Variants in KLF12 observed in about 807,000 individuals in gnomAD.
The protein encoded by KLF12 is KLF transcription factor 12, also known as Krueppel-like factor 12.
In KLF12, 9 loss-of-function variants were observed where a neutral mutation model predicts 37.8. The observed-to-expected ratio is 0.24, with a 90% CI of 0.14 to 0.42. The LOEUF (loss-of-function observed/expected upper bound fraction) is 0.42. Ranked by LOEUF, KLF12 falls within the 10% of genes least tolerant of loss-of-function variation. KLF12 has a pLI of 1.00. For synonymous variants in KLF12, 208 were observed against 202.1 expected (o/e 1.03, Z -0.25); for missense variants, 411 against 516.0 (o/e 0.80, Z 1.97).
rs182140387 is a variant in KLF12 at position 73,923,868 on chromosome 13, G to A, written c.123+20113C>T. The stretch of plus-strand genomic sequence containing the variant: ...GTTGTATTCCATACACCAGGCTTCC[G>A]AGTTGTGAGGCAGACATATCTCAGA... On this transcript the variant is annotated intron_variant, in intron 3 of 7. Coordinates refer to ENST00000377669, the MANE Select transcript of KLF12 (RefSeq NM_007249.5). 1.8e-3 allele frequency among the ~76,000 whole-genome samples: 277 copies of A among 152,336 alleles called. 1 individual carries two copies. The highest frequency in any genetic ancestry group is 3.2e-3 in the Non-Finnish European group (217 of 68,014).
chr13:74,153,085 T>C, the KLF12 span, among the ~76,000 whole-genome samples: 1 of 152,110 alleles, frequency 6.6e-6, no homozygotes, highest in Non-Finnish European at 1.5e-5. Context: ...ATGTTGGGTT[T>C]AATTTTCACA....
At chr13:74,246,353 C>T in the KLF12 span, among the ~76,000 whole-genome samples, 1 of 152,114 alleles carries the variant, frequency 6.6e-6, no homozygotes, top group Non-Finnish European at 1.5e-5. Context: ...CATTTTCTAC[C>T]CTACTTTTCT....
chr13:73,858,769 G>A (rs985910863), intron 3 of KLF12, among the ~76,000 whole-genome samples: 2 of 152,100 alleles, frequency 1.3e-5, no homozygotes, highest in Non-Finnish European at 2.9e-5. Flanking sequence ...AACATGAAAA[G>A]GAAAAGTAAT....
chr13:74,082,087 G>T (rs1408306702), intron 1 of KLF12, among the ~76,000 whole-genome samples: 3 of 151,126 alleles, frequency 2.0e-5, no homozygotes, highest in African/African-American at 4.9e-5. Flanking sequence ...CAGCACTTTG[G>T]GAGGCTGAGG....
At chr13:74,079,765 T>C (rs544213014) in intron 1 of KLF12, among the ~76,000 whole-genome samples, 5 of 152,318 alleles carry the variant, frequency 3.3e-5, no homozygotes, top group African/African-American at 1.2e-4. Context: ...ATCGAAACTC[T>C]TGTGTACTGT....
chr13:73,999,830 G>A (rs998789142), intron 1 of KLF12, among the ~76,000 whole-genome samples: 13 of 152,180 alleles, frequency 8.5e-5, no homozygotes. Flanking sequence ...CAATACGGAA[G>A]TTTCAGGAAC....
the KLF12 span, among the ~76,000 whole-genome samples, chr13:74,268,072 C>T: frequency 2.6e-5 from 4 of 152,050 alleles, no homozygotes; most frequent in South Asian, 2.1e-4. Context: ...TTCTGGACCC[C>T]GGAACTGTGA....
the KLF12 span, among the ~76,000 whole-genome samples, chr13:74,220,707 T>C: frequency 6.6e-6 from 1 of 152,190 alleles, no homozygotes; most frequent in Non-Finnish European, 1.5e-5. Flanking sequence ...GCAACCACCA[T>C]TCTCCTCTCT....
chr13:73,846,216 G>C lies in KLF12; in HGVS notation c.281C>G (p.Thr94Ser). The C allele has an allele frequency of 6.2e-7, 1 of 1,614,180 alleles. No individual in the cohort carries two copies. Among genetic ancestry groups the C allele is most frequent in the Non-Finnish European group, 8.5e-7 (1 of 1,180,012 alleles). Reference sequence around the variant, plus strand: ...GGAAACTGGGGAGGATGAAACGGCAGTAGGGGACGTCCTGGCTTTGTTTAT... The same window carrying C: ...GGAAACTGGGGAGGATGAAACGGCACTAGGGGACGTCCTGGCTTTGTTTAT... Residue 94 changes from threonine (T) to serine (S), a missense_variant, in exon 4 of 8, where the codon ACT becomes AGT. This residue lies in a region of KLF12 where 351 missense variants were observed against 397.8 expected (regional missense o/e 0.88). Transcript: ENST00000377669.
At chr13:74,102,539 A>C (rs1441555319) in intron 1 of KLF12, among the ~76,000 whole-genome samples, 1 of 151,868 alleles carries the variant, frequency 6.6e-6, no homozygotes, top group Non-Finnish European at 1.5e-5. Context: ...CTCTACTAAA[A>C]ATACAAAATT....
intron 6 of KLF12, among the ~76,000 whole-genome samples, chr13:73,751,200 C>T (rs970298887): frequency 6.6e-6 from 1 of 152,142 alleles, no homozygotes; most frequent in Admixed American, 6.5e-5. Flanking sequence ...CTGTGATAAA[C>T]AAATGAGTGC....
At chr13:74,273,637 C>A in the KLF12 span, among the ~76,000 whole-genome samples, 3 of 151,924 alleles carry the variant, frequency 2.0e-5, no homozygotes, top group Admixed American at 6.6e-5. Context: ...TCATAATAAA[C>A]CTGAATGAGT....
At chr13:74,230,671 T>A in the KLF12 span, among the ~76,000 whole-genome samples, 1 of 152,300 alleles carries the variant, frequency 6.6e-6, no homozygotes, top group East Asian at 1.9e-4. Flanking sequence ...GTACTCGGGA[T>A]GAATTCTACC....
the KLF12 span, among the ~76,000 whole-genome samples, chr13:74,296,463 G>A: frequency 6.6e-6 from 1 of 152,088 alleles, no homozygotes; most frequent in African/African-American, 2.4e-5. Context: ...TTGTGGAGCA[G>A]GCAAGAGAAC....
chr13:74,282,059 A>G, the KLF12 span, among the ~76,000 whole-genome samples: 4 of 152,204 alleles, frequency 2.6e-5, 1 homozygote, highest in South Asian at 4.1e-4. Flanking sequence ...TCAGTCAATT[A>G]CCGGAGGAGT....
chr13:73,767,680 G>A (rs1427988533), intron 5 of KLF12, among the ~76,000 whole-genome samples: 3 of 152,176 alleles, frequency 2.0e-5, no homozygotes, highest in Non-Finnish European at 4.4e-5. Flanking sequence ...CTGGAGCAGA[G>A]AGCATGTTTA....
At chr13:73,868,676 C>A (rs1421909238) in intron 3 of KLF12, among the ~76,000 whole-genome samples, 2 of 152,074 alleles carry the variant, frequency 1.3e-5, no homozygotes, top group Admixed American at 6.5e-5. Context: ...CAGGCGTGAG[C>A]CACTACGCCT....
intron 7 of KLF12, among the ~76,000 whole-genome samples, chr13:73,710,378 C>CTG (rs59799453): frequency 0.13 from 18,745 of 143,794 alleles, 1,182 homozygotes; most frequent in East Asian, 0.23. Context: ...AAGATATTGT[C>CTG]TGTGTGTGTG....
Position 73,975,970 on chromosome 13 carries a change from TGGA to T in KLF12, c.33+19017_33+19019del, listed in dbSNP as rs1783595083. On this transcript the variant is annotated intron_variant, in intron 2 of 7. Coordinates refer to ENST00000377669, the MANE Select transcript of KLF12 (RefSeq NM_007249.5). ...CCAATCAAAGCTTTCCCACACTGTA[TGGA>T]GAAGTGCCTTTCTGCCGGTCTGCAT... Among the ~76,000 whole-genome samples the T allele has an allele frequency of 5.9e-5, 9 of 152,256 alleles. No individual in the cohort carries two copies. The South Asian group carries it at 1.9e-3, about 32-fold the overall frequency.
Sources: allele counts gnomAD v4.1 joint callset (sites outside exome capture counted in the v4.1 genomes callset), GRCh38; gene constraint gnomAD v4.1.1; regional missense constraint gnomAD v4.1.1; transcripts MANE v1.5; gene names NCBI Gene and HGNC (gene_info 2026-07-23, HGNC 2026-07-21).